Variants in CTIF observed in about 807,000 individuals in gnomAD.
CTIF encodes the protein cap binding complex dependent translation initiation factor.
Under a neutral mutation model 66.0 loss-of-function variants are expected in CTIF, and 21 were observed. The ratio of observed to expected loss-of-function variants is 0.32; its 90% CI spans 0.23 to 0.46. CTIF has a LOEUF of 0.46. Among genes scored for constraint, CTIF ranks in the 20% least tolerant of loss-of-function variants. The pLI, the probability that CTIF is intolerant of heterozygous loss-of-function variation, is 1.00. For synonymous variants in CTIF, 345 were observed against 326.4 expected (o/e 1.06, Z -0.62); for missense variants, 739 against 812.7 (o/e 0.91, Z 1.10).
intron 9 of CTIF, among the ~76,000 whole-genome samples, chr18:48,773,389 G>A (rs1184633742): frequency 1.3e-5 from 2 of 152,210 alleles, no homozygotes; most frequent in African/African-American, 4.8e-5. Flanking sequence ...CCTGAGCTGT[G>A]ATGGCAGGCC....
Position 48,758,098 on chromosome 18 carries a change from T to A in CTIF, c.764T>A (p.Met255Lys). 6.2e-7 allele frequency: 1 copy of A among 1,613,422 alleles called. No homozygotes were observed. The highest frequency in any genetic ancestry group is 8.5e-7 in the Non-Finnish European group (1 of 1,179,900). ...SQNRRWHHGNMKHPPGDKGEA... is the reference protein window; with the variant it reads ...SQNRRWHHGNKKHPPGDKGEA... ...AACCGGCGCTGGCACCATGGCAACA[T>A]GAAGCACCCACCAGGCGACAAGGGG... Residue 255 changes from methionine to lysine, a missense_variant, in exon 8 of 12, where the codon ATG (methionine) becomes AAG (lysine). Physicochemically the swap from Met to Lys is moderately conservative, Grantham distance 95. Around this residue, in one of 2 missense-constraint regions of CTIF, gnomAD observed 529 missense variants for 520.3 expected, o/e 1.02. Coordinates refer to ENST00000256413, the MANE Select transcript of CTIF (RefSeq NM_014772.3).
intron 6 of CTIF, among the ~76,000 whole-genome samples, chr18:48,689,549 C>T (rs142319257): frequency 1.9e-3 from 285 of 152,284 alleles, no homozygotes; most frequent in African/African-American, 6.6e-3. Context: ...AGGCAAGTTT[C>T]CTCCATTCTA....
intron 1 of CTIF, among the ~76,000 whole-genome samples, chr18:48,561,044 G>T (rs1217526340): frequency 6.6e-6 from 1 of 152,078 alleles, no homozygotes; most frequent in Non-Finnish European, 1.5e-5. Context: ...TTCGAGACCA[G>T]CCTGGCCAAC....
intron 10 of CTIF, among the ~76,000 whole-genome samples, chr18:48,846,346 CT>C (rs1012878413): frequency 1.3e-5 from 2 of 152,250 alleles, no homozygotes; most frequent in African/African-American, 4.8e-5. Flanking sequence ...TGCTTTCCCC[CT>C]ACTAGACTAT....
At chr18:48,666,456 C>T (rs1371879294) in intron 5 of CTIF, among the ~76,000 whole-genome samples, 3 of 152,192 alleles carry the variant, frequency 2.0e-5, no homozygotes, top group Non-Finnish European at 4.4e-5. Context: ...TAAGGCCAGG[C>T]CTTCTGACAC....
chr18:48,612,531 GC>G lies in CTIF; in HGVS notation c.-28-7006del, dbSNP rs2090325741. Among the ~76,000 whole-genome samples, 6 of 152,374 alleles carry G rather than the reference GC, an allele frequency of 3.9e-5. 1 individual carries two copies. In the South Asian group the frequency reaches 1.2e-3, roughly 32 times the overall value. On this transcript the variant is annotated intron_variant, in intron 1 of 11. Transcript: ENST00000256413. ...CTATAATAGTCACCAGGAGCTGCTT[GC>G]TGGAGAGCAACCTGGGAGCACAGTG...
At chr18:48,837,517 G>C (rs1404659324) in intron 10 of CTIF, among the ~76,000 whole-genome samples, 3 of 152,140 alleles carry the variant, frequency 2.0e-5, no homozygotes, top group Non-Finnish European at 4.4e-5. Context: ...GGGCCTAGGG[G>C]CACCTGAGCC....
At position 48,740,012 on chromosome 18, in the gene CTIF, C is replaced by T. The variant is rs555591390; in HGVS notation, c.585-17907C>T. On this transcript the variant is annotated intron_variant, in intron 7 of 11. Coordinates refer to ENST00000256413, the MANE Select transcript of CTIF (RefSeq NM_014772.3). ...TTGAAGGACTCTACAAATATCAATG[C>T]ACATTGTCAGTACAACCACCCTTTA... 5.3e-5 allele frequency among the ~76,000 whole-genome samples: 8 copies of T among 152,346 alleles called. No homozygotes were observed. In the East Asian group the frequency reaches 7.7e-4, roughly 15 times the overall value.
chr18:48,559,169 C>T (rs987664134), intron 1 of CTIF, among the ~76,000 whole-genome samples: 1 of 151,910 alleles, frequency 6.6e-6, no homozygotes, highest in Non-Finnish European at 1.5e-5. Flanking sequence ...TCTGGAGTCT[C>T]ATTGTCAAAT....
chr18:48,816,064 G>A (rs2068357712), intron 9 of CTIF, among the ~76,000 whole-genome samples: 1 of 152,194 alleles, frequency 6.6e-6, no homozygotes, highest in South Asian at 2.1e-4. Flanking sequence ...AAGCGTGCAT[G>A]TAGATGGTGT....
chr18:48,540,332 G>A (rs1179691400), intron 1 of CTIF: 3 of 145,526 alleles, frequency 2.1e-5, no homozygotes, highest in Non-Finnish European at 3.0e-5. Flanking sequence ...TCAGGACGAC[G>A]AGCAGGTAAC....
intron 1 of CTIF, among the ~76,000 whole-genome samples, chr18:48,597,171 C>A (rs2090001821): frequency 6.6e-6 from 1 of 152,206 alleles, no homozygotes; most frequent in Non-Finnish European, 1.5e-5. Context: ...CTGCCTCATT[C>A]ATTTATCATC....
intron 7 of CTIF, among the ~76,000 whole-genome samples, chr18:48,718,310 G>C (rs1004707028): frequency 1.3e-5 from 2 of 152,156 alleles, no homozygotes; most frequent in African/African-American, 4.8e-5. Flanking sequence ...GTTTTCCAGA[G>C]AAACAGAACT....
chr18:48,749,913 G>A (rs1399267141), intron 7 of CTIF, among the ~76,000 whole-genome samples: 1 of 152,184 alleles, frequency 6.6e-6, no homozygotes, highest in Non-Finnish European at 1.5e-5. Context: ...TTGGCAGGCC[G>A]AGCGGAAGGG....
intron 1 of CTIF, chr18:48,540,317 G>A (rs2088576156): frequency 1.5e-5 from 2 of 129,102 alleles, no homozygotes; most frequent in African/African-American, 5.7e-5. Flanking sequence ...TCCGGCTCGG[G>A]TTCATCAGGA....
chr18:48,861,542 G>T lies in CTIF; in HGVS notation c.*1983G>T, dbSNP rs1466065729. On this transcript the variant is annotated 3_prime_UTR_variant, in exon 12 of 12. Transcript: ENST00000256413. Reference sequence around the variant, plus strand: ...CATCGTGGCCAGGCAGCCTCCACCTGTGCTTCAGTGGCCCCTGCCCCCCTG... The same window carrying T: ...CATCGTGGCCAGGCAGCCTCCACCTTTGCTTCAGTGGCCCCTGCCCCCCTG... 6.6e-6 allele frequency: 1 copy of T among 152,388 alleles called. No homozygotes were observed. Among genetic ancestry groups the T allele is most frequent in the African/African-American group, 2.4e-5 (1 of 41,476 alleles). The allele number at this position is 152,388 out of a possible 1,614,324, so 9.4% of individuals were successfully genotyped here.
intron 1 of CTIF, among the ~76,000 whole-genome samples, chr18:48,569,013 T>G (rs1408631778): frequency 1.3e-5 from 2 of 152,112 alleles, no homozygotes; most frequent in Non-Finnish European, 2.9e-5. Context: ...CTGCTGATGG[T>G]CACCTTCTTG....
intron 2 of CTIF, 21 bp downstream of exon 2, chr18:48,619,766 G>T (rs748631609): frequency 6.6e-7 from 1 of 1,506,738 alleles, no homozygotes; most frequent in Non-Finnish European, 8.9e-7. Context: ...GCCCGGGGTT[G>T]GGGCAGCTTG....
chr18:48,769,285 A>G (rs775927768), intron 9 of CTIF, among the ~76,000 whole-genome samples: 2 of 152,368 alleles, frequency 1.3e-5, no homozygotes. Context: ...AGCCCTGGCC[A>G]TACCCACATC....
Sources: gnomAD v4.1 joint callset for allele counts (sites outside exome capture counted in the v4.1 genomes callset) on GRCh38, gnomAD v4.1.1 for gene constraint, gnomAD v4.1.1 regional missense constraint, MANE v1.5 for transcripts, NCBI Gene and HGNC (gene_info 2026-07-23, HGNC 2026-07-21) for gene names.